The following OR10D3 variants were observed in gnomAD, a reference collection of about 807,000 sequenced individuals.
OR10D3 encodes olfactory receptor family 10 subfamily D member 3, also known as olfactory receptor 10D3.
For synonymous variants in OR10D3, 100 were observed against 57.6 expected (o/e 1.74, Z -3.33); for missense variants, 286 against 153.7 (o/e 1.86, Z -4.55).
At chr11:124,185,762 A>C (rs970781761) in exon 2 of OR10D3, 8 of 703,168 alleles carry the variant, frequency 1.1e-5, no homozygotes, top group Admixed American at 1.0e-4. Context: ...CCTCACCTTC[A>C]CCTTGCCATA....
exon 2 of OR10D3, chr11:124,186,230 A>C (rs1317997588): frequency 1.5e-6 from 1 of 661,056 alleles, no homozygotes; most frequent in African/African-American, 1.8e-5. Flanking sequence ...AAATGGGTGC[A>C]TGGCTCTGGA....
exon 2 of OR10D3, chr11:124,188,541 T>C (rs1591377561): frequency 1.3e-5 from 2 of 152,224 alleles, no homozygotes; most frequent in African/African-American, 4.8e-5. Context: ...ATCTGGGCAA[T>C]GATCCTTGAT....
exon 2 of OR10D3, chr11:124,185,477 G>C: frequency 1.4e-6 from 1 of 703,142 alleles, no homozygotes; most frequent in South Asian, 1.5e-5. Flanking sequence ...GTCTGTGTTT[G>C]ACATGGGTTT....
chr11:124,188,070 T>G (rs1281164580), exon 2 of OR10D3: 2 of 152,186 alleles, frequency 1.3e-5, no homozygotes, highest in East Asian at 3.9e-4. Context: ...GATAAAGATA[T>G]TTTCTCCCAC....
exon 2 of OR10D3, chr11:124,188,570 C>G (rs528556538): frequency 2.6e-5 from 4 of 152,346 alleles, no homozygotes; most frequent in Non-Finnish European, 5.9e-5. Context: ...TCACAATCCT[C>G]TCTCTGAGCC....
chr11:124,185,232 G>A, intron 1 of OR10D3, 27 bp from the exon 2 acceptor site: 1 of 675,450 alleles, frequency 1.5e-6, no homozygotes, highest in South Asian at 1.6e-5. Flanking sequence ...ATTCTTCCAT[G>A]TCCTCAGCCT....
chr11:124,185,327 A>C, exon 2 of OR10D3: 1 of 703,362 alleles, frequency 1.4e-6, no homozygotes, highest in East Asian at 2.7e-5. Flanking sequence ...AATCCCACAC[A>C]CAGAGGGGCT....
chr11:124,185,715 G>T (rs1288106436), exon 2 of OR10D3: 1 of 703,408 alleles, frequency 1.4e-6, no homozygotes, highest in African/African-American at 1.7e-5. Flanking sequence ...GTGGGCACAT[G>T]GCTGTTAGGG....
At chr11:124,185,530 G>A (rs773875704) in exon 2 of OR10D3, 2 of 703,224 alleles carry the variant, frequency 2.8e-6, no homozygotes, top group African/African-American at 3.5e-5. Context: ...ACCTTATGGG[G>A]CTGAGCCGAC....
chr11:124,185,079 G>T, intron 1 of OR10D3, 180 bp from the exon 2 acceptor site: 1 of 566,690 alleles, frequency 1.8e-6, no homozygotes, highest in South Asian at 2.5e-5. Context: ...AATGTAGTTG[G>T]CTATGGCGGT....
intron 1 of OR10D3, among the ~76,000 whole-genome samples, chr11:124,184,464 A>T (rs182186332): frequency 1.3e-5 from 2 of 152,174 alleles, no homozygotes; most frequent in Non-Finnish European, 2.9e-5. Flanking sequence ...AGGAGGAGGA[A>T]CAACATTTTA....
At chr11:124,184,394 T>C (rs1326002844) in intron 1 of OR10D3, 1 of 152,232 alleles carries the variant, frequency 6.6e-6, no homozygotes, top group Non-Finnish European at 1.5e-5. Flanking sequence ...CTAGATGTTA[T>C]ATTTGTGTGT....
Position 124,184,602 on chromosome 11 carries a change from A to T in OR10D3, c.-11-657A>T, listed in dbSNP as rs995973041. ...GGGGGAAAGACTGATGTTTAAAAAG[A>T]AAAAAAAAGAATGTAGATGCCTAGT... On this transcript the variant is annotated intron_variant, in intron 1 of 1. Transcript: ENST00000641351. 2.0e-5 allele frequency among the ~76,000 whole-genome samples: 3 copies of T among 151,604 alleles called. 1 individual carries two copies. Among genetic ancestry groups the T allele is most frequent in the Non-Finnish European group, 4.4e-5 (3 of 67,932 alleles).
At chr11:124,184,633 C>G (rs1009007839) in intron 1 of OR10D3, among the ~76,000 whole-genome samples, 3 of 152,090 alleles carry the variant, frequency 2.0e-5, no homozygotes, top group African/African-American at 7.2e-5. Flanking sequence ...CTAGTTCTAC[C>G]AAGAACTAGC....
chr11:124,188,694 C>A (rs1009937764), exon 2 of OR10D3: 1 of 152,204 alleles, frequency 6.6e-6, no homozygotes, highest in African/African-American at 2.4e-5. Context: ...CAGAGCCCCT[C>A]CCTGGCCCCA....
chr11:124,185,723 G>A (rs1249946903), exon 2 of OR10D3: 2 of 703,556 alleles, frequency 2.8e-6, no homozygotes, highest in Non-Finnish European at 5.2e-6. Context: ...ATGGCTGTTA[G>A]GGTGCATTCA....
exon 2 of OR10D3, chr11:124,185,549 T>A (rs1192583239): frequency 1.4e-6 from 1 of 703,522 alleles, no homozygotes; most frequent in Non-Finnish European, 2.6e-6. Flanking sequence ...ACTCATCTCC[T>A]ACAAAGACTG....
chr11:124,187,871 T>G (rs1039409884), exon 2 of OR10D3: 7 of 152,202 alleles, frequency 4.6e-5, no homozygotes. Flanking sequence ...CAAAACAATC[T>G]TTGATATTTG....
At chr11:124,183,470 CTTTCTCTTTT>C (rs1307355267) in intron 1 of OR10D3, 87 bp downstream of exon 1, 10 of 151,220 alleles carry the variant, frequency 6.6e-5, no homozygotes, top group South Asian at 2.1e-4. Flanking sequence ...CTTTCTCTTT[CTTTCTCTTTT>C]TTTCTCTTTC....
Sources: allele counts gnomAD v4.1 joint callset (sites outside exome capture counted in the v4.1 genomes callset), GRCh38; gene constraint gnomAD v4.1.1; transcripts MANE v1.5; gene names NCBI Gene and HGNC (gene_info 2026-07-23, HGNC 2026-07-21).